The following KLF8 variants were observed in gnomAD, a reference collection of about 807,000 sequenced individuals.
KLF8 encodes KLF transcription factor 8, also known as Krueppel-like factor 8.
Under a neutral mutation model 18.2 loss-of-function variants are expected in KLF8, and 10 were observed. That is an observed-to-expected ratio of 0.55 (90% CI 0.34 to 0.93). The LOEUF (loss-of-function observed/expected upper bound fraction) is 0.93, where lower values mean the gene tolerates loss of function less well. Among genes scored for constraint, KLF8 ranks in the 40% least tolerant of loss-of-function variants. KLF8 has a pLI of 0.02. For missense variants in KLF8, 264 were observed against 277.9 expected (o/e 0.95, Z 0.36); for synonymous variants, 109 against 97.3 (o/e 1.12, Z -0.71).
the KLF8 span, among the ~76,000 whole-genome samples, chrX:56,143,438 G>A: frequency 2.7e-5 from 3 of 112,219 alleles, no homozygotes; most frequent in Admixed American, 9.5e-5. Context: ...CAACTTGAAT[G>A]AAGGTAACAC....
the KLF8 span, among the ~76,000 whole-genome samples, chrX:56,223,188 G>T: frequency 8.9e-6 from 1 of 112,972 alleles, no homozygotes; most frequent in African/African-American, 3.2e-5. Flanking sequence ...TGTGATCTTG[G>T]CAAACTCACT....
the KLF8 span, chrX:55,961,335 C>T: frequency 6.1e-5 from 27 of 441,994 alleles, no homozygotes; most frequent in Non-Finnish European, 1.1e-4. Flanking sequence ...CAGATCCCAT[C>T]CTGGGAGTCA....
chrX:56,198,251 G>T, the KLF8 span, among the ~76,000 whole-genome samples: 2 of 111,991 alleles, frequency 1.8e-5, no homozygotes. Flanking sequence ...AATCAGGCAA[G>T]AGAAAGAAAT....
chrX:56,178,247 T>C, the KLF8 span, among the ~76,000 whole-genome samples: 1 of 112,794 alleles, frequency 8.9e-6, no homozygotes, highest in Non-Finnish European at 1.9e-5. Flanking sequence ...ATGATGAGCA[T>C]TTTCTTCTGT....
the KLF8 span, among the ~76,000 whole-genome samples, chrX:56,134,344 G>A: frequency 8.9e-6 from 1 of 111,774 alleles, no homozygotes; most frequent in East Asian, 2.8e-4. Context: ...ACAGAAAGGA[G>A]AACCCAGAAA....
chrX:56,035,054 C>T, the KLF8 span, among the ~76,000 whole-genome samples: 7 of 111,766 alleles, frequency 6.3e-5, no homozygotes, highest in Non-Finnish European at 1.1e-4. Context: ...AGCGCCCGGC[C>T]GAACTTATTT....
the KLF8 span, among the ~76,000 whole-genome samples, chrX:56,052,987 C>A: frequency 8.9e-6 from 1 of 111,940 alleles, no homozygotes; most frequent in Admixed American, 9.4e-5. Context: ...TTTTTTAAGC[C>A]CGTCAGAAAA....
At position 56,232,455 on chromosome X, in the gene KLF8, G is replaced by C. The variant is rs1266161906; in HGVS notation, c.-880G>C. On this transcript the variant is annotated 5_prime_UTR_variant, in exon 1 of 6. Coordinates refer to ENST00000468660, the MANE Select transcript of KLF8 (RefSeq NM_007250.5). ...ACACCTCTCCTTTGGGCCTAGCAGG[G>C]CCAGAGAAAGACGGAATCACTCTAC... The C allele has an allele frequency of 9.0e-6, 1 of 111,126 alleles. No individual in the cohort carries two copies. The highest frequency in any genetic ancestry group is 1.9e-5 in the Non-Finnish European group (1 of 52,956). 9.2% of individuals were successfully genotyped at this position (111,126 alleles called of 1,213,427 possible). A position where few individuals can be genotyped will look rare whatever the true frequency, so the allele number is the denominator to read the frequency against.
chrX:56,071,165 A>T, the KLF8 span, among the ~76,000 whole-genome samples: 4 of 111,908 alleles, frequency 3.6e-5, no homozygotes, highest in Non-Finnish European at 5.6e-5. Flanking sequence ...TCATAAAGTC[A>T]AGGTCTAATT....
chrX:55,968,516 G>C, the KLF8 span, among the ~76,000 whole-genome samples: 1 of 112,024 alleles, frequency 8.9e-6, no homozygotes, highest in South Asian at 3.7e-4. Context: ...TGATTTGTCT[G>C]TGTCCCCACT....
chrX:56,280,335 G>A (rs1173692727), intron 5 of KLF8, among the ~76,000 whole-genome samples: 2 of 111,467 alleles, frequency 1.8e-5, no homozygotes, highest in African/African-American at 3.3e-5. Context: ...CCAGGCTCAA[G>A]CAATTCTCCC....
the KLF8 span, among the ~76,000 whole-genome samples, chrX:55,984,853 T>C: frequency 8.9e-6 from 1 of 111,831 alleles, no homozygotes; most frequent in Non-Finnish European, 1.9e-5. Context: ...AGTTCTCATT[T>C]GCATTTCTCT....
chrX:56,230,013 A>G (rs1020594929), upstream of KLF8, among the ~76,000 whole-genome samples: 1 of 112,628 alleles, frequency 8.9e-6, no homozygotes, highest in Non-Finnish European at 1.9e-5. Context: ...TATTTCTAAA[A>G]CAAACAAAAA....
chrX:56,158,224 A>G, the KLF8 span, among the ~76,000 whole-genome samples: 3 of 109,897 alleles, frequency 2.7e-5, no homozygotes, highest in Non-Finnish European at 5.7e-5. Context: ...ATTTCTGAGG[A>G]CTCTGTTCTG....
At chrX:56,162,607 G>A in the KLF8 span, among the ~76,000 whole-genome samples, 2 of 111,930 alleles carry the variant, frequency 1.8e-5, no homozygotes, top group Non-Finnish European at 3.8e-5. Context: ...CATTTGCTAA[G>A]CCCATTGGAA....
At chrX:56,193,128 A>T in the KLF8 span, among the ~76,000 whole-genome samples, 2 of 112,463 alleles carry the variant, frequency 1.8e-5, no homozygotes, top group South Asian at 7.3e-4. Context: ...TTTAGGGAAA[A>T]ATCTTATAAT....
At chrX:56,178,269 G>A in the KLF8 span, among the ~76,000 whole-genome samples, 3 of 112,735 alleles carry the variant, frequency 2.7e-5, no homozygotes, top group Admixed American at 2.8e-4. Flanking sequence ...TCTGTTGGCT[G>A]CATAAATGTC....
At chrX:56,181,968 C>A in the KLF8 span, among the ~76,000 whole-genome samples, 109 of 110,906 alleles carry the variant, frequency 9.8e-4, no homozygotes, top group African/African-American at 3.5e-3. Context: ...GGAGTATCTT[C>A]GTGGTGCTCT....
the KLF8 span, among the ~76,000 whole-genome samples, chrX:56,047,910 C>A: frequency 8.9e-6 from 1 of 111,804 alleles, no homozygotes; most frequent in African/African-American, 3.2e-5. Flanking sequence ...TGTTTCTCCA[C>A]ATCCTCTCCA....
Sources: allele counts gnomAD v4.1 joint callset (sites outside exome capture counted in the v4.1 genomes callset), GRCh38; gene constraint gnomAD v4.1.1; transcripts MANE v1.5; gene names NCBI Gene and HGNC (gene_info 2026-07-23, HGNC 2026-07-21).